The following RIT2 variants were observed in gnomAD, a reference collection of about 807,000 sequenced individuals.
The protein encoded by RIT2 is Ras like without CAAX 2, also known as GTP-binding protein Rit2.
Under a neutral mutation model 23.7 loss-of-function variants are expected in RIT2, and 24 were observed. The observed-to-expected ratio is 1.01, with a 90% CI of 0.73 to 1.43. The LOEUF is 1.43. Ranked by LOEUF, RIT2 falls within the 40% of genes most tolerant of loss-of-function variation. RIT2 has a pLI of 0.00. For synonymous variants in RIT2, 107 were observed against 91.1 expected, an observed-to-expected ratio of 1.17 and a Z score of -0.99; for missense variants, 236 against 266.9, an observed-to-expected ratio of 0.88 and a Z score of 0.81.
At chr18:42,996,329 A>G (rs1005360015) in intron 2 of RIT2, among the ~76,000 whole-genome samples, 1 of 151,828 alleles carries the variant, frequency 6.6e-6, no homozygotes, top group Non-Finnish European at 1.5e-5. Flanking sequence ...CCATCCCCCA[A>G]AATTTTCGCC....
chr18:42,854,189 A>C (rs1907124668), intron 4 of RIT2, among the ~76,000 whole-genome samples: 1 of 152,194 alleles, frequency 6.6e-6, no homozygotes, highest in Non-Finnish European at 1.5e-5. Context: ...AGATTAGTAC[A>C]AAGTGGTGTA....
chr18:43,077,211 G>T (rs1413479825), intron 1 of RIT2, among the ~76,000 whole-genome samples: 1 of 151,606 alleles, frequency 6.6e-6, no homozygotes, highest in Non-Finnish European at 1.5e-5. Context: ...TAGGTATATA[G>T]TGCCAGGAAA....
In RIT2 at chr18:43,045,380, A is replaced by C. The variant is rs1369750974; in HGVS notation, c.104-11513T>G. On this transcript the variant is annotated intron_variant, in intron 1 of 4. Coordinates refer to ENST00000326695, the MANE Select transcript of RIT2 (RefSeq NM_002930.4). ...AGAATTAACATTGTTATCATTTGCCACAATAAGAATTTACTCTGTCTTGAC... is the reference window on the plus strand; with the variant it reads ...AGAATTAACATTGTTATCATTTGCCCCAATAAGAATTTACTCTGTCTTGAC... Among the ~76,000 whole-genome samples the C allele has an allele frequency of 2.6e-5, 4 of 152,306 alleles. No individual in the cohort carries two copies. In the South Asian group the frequency reaches 8.3e-4, roughly 32 times the overall value.
chr18:42,800,248 A>G (rs1471751019), intron 4 of RIT2, among the ~76,000 whole-genome samples: 1 of 152,174 alleles, frequency 6.6e-6, no homozygotes, highest in Non-Finnish European at 1.5e-5. Flanking sequence ...GGTCCTATAC[A>G]TGTTTGAGGA....
At chr18:42,998,483 T>G (rs1186015210) in intron 2 of RIT2, among the ~76,000 whole-genome samples, 1 of 152,144 alleles carries the variant, frequency 6.6e-6, no homozygotes, top group Non-Finnish European at 1.5e-5. Flanking sequence ...TCAAATAGAT[T>G]GGACCAAGAC....
At chr18:42,781,332 C>A (rs1913806884) in intron 4 of RIT2, among the ~76,000 whole-genome samples, 1 of 152,098 alleles carries the variant, frequency 6.6e-6, no homozygotes, top group South Asian at 2.1e-4. Flanking sequence ...TTCTACATAC[C>A]TAAATCAGCA....
chr18:42,752,283 C>A (rs950177665), intron 4 of RIT2, among the ~76,000 whole-genome samples: 1 of 151,990 alleles, frequency 6.6e-6, no homozygotes, highest in African/African-American at 2.4e-5. Context: ...TTAACATATT[C>A]TTTTAGCATA....
chr18:43,009,326 G>A (rs1045714913), intron 2 of RIT2, among the ~76,000 whole-genome samples: 4 of 151,580 alleles, frequency 2.6e-5, no homozygotes, highest in African/African-American at 9.7e-5. Flanking sequence ...TTCAACAAGT[G>A]GAGCTCAGAA....
chr18:43,093,647 T>C (rs1020752775), intron 1 of RIT2, among the ~76,000 whole-genome samples: 8 of 152,060 alleles, frequency 5.3e-5, no homozygotes, highest in Middle Eastern at 3.4e-3. Flanking sequence ...TTCTTCTGAG[T>C]TGAAATTTCC....
intron 2 of RIT2, among the ~76,000 whole-genome samples, chr18:42,980,870 G>A (rs549928525): frequency 6.6e-6 from 1 of 152,208 alleles, no homozygotes; most frequent in East Asian, 1.9e-4. Context: ...TCTGATGAGG[G>A]GACATGTAGC....
intron 4 of RIT2, among the ~76,000 whole-genome samples, chr18:42,851,772 C>T (rs1044558528): frequency 6.6e-6 from 1 of 152,132 alleles, no homozygotes; most frequent in Non-Finnish European, 1.5e-5. Context: ...ATTGCTTGAA[C>T]CCAGGAGGCG....
At chr18:42,795,374 G>A (rs1023731058) in intron 4 of RIT2, among the ~76,000 whole-genome samples, 3 of 152,194 alleles carry the variant, frequency 2.0e-5, no homozygotes, top group African/African-American at 7.2e-5. Context: ...CTTAGCACCC[G>A]GGCCAGCGGC....
chr18:42,898,267 G>A (rs1041820837), intron 4 of RIT2, among the ~76,000 whole-genome samples: 1 of 152,058 alleles, frequency 6.6e-6, no homozygotes, highest in African/African-American at 2.4e-5. Flanking sequence ...GGTGGCGGGT[G>A]CCTGTAGTCC....
chr18:42,813,104 TG>T (rs1269810350), intron 4 of RIT2, among the ~76,000 whole-genome samples: 1 of 152,234 alleles, frequency 6.6e-6, no homozygotes, highest in Admixed American at 6.5e-5. Flanking sequence ...AATTAGTTTT[TG>T]TTTGGCATAT....
chr18:42,955,897 T>G (rs1466631408), intron 3 of RIT2, among the ~76,000 whole-genome samples: 7 of 152,194 alleles, frequency 4.6e-5, no homozygotes, highest in Non-Finnish European at 7.3e-5. Context: ...TCTGTATGAA[T>G]TTACCTATTC....
intron 1 of RIT2, among the ~76,000 whole-genome samples, chr18:43,110,181 ATC>A (rs1913920134): frequency 6.6e-6 from 1 of 152,100 alleles, no homozygotes; most frequent in Non-Finnish European, 1.5e-5. Flanking sequence ...AATTATTTAA[ATC>A]TTAAAACATT....
intron 4 of RIT2, among the ~76,000 whole-genome samples, chr18:42,806,405 G>A (rs1483099112): frequency 6.6e-6 from 1 of 151,954 alleles, no homozygotes; most frequent in Non-Finnish European, 1.5e-5. Context: ...GGAGGCAGAG[G>A]TTGCAGTGAG....
At chr18:42,919,126 C>A (rs79275780) in intron 4 of RIT2, among the ~76,000 whole-genome samples, 1 of 152,082 alleles carries the variant, frequency 6.6e-6, no homozygotes, top group Non-Finnish European at 1.5e-5. Flanking sequence ...AAAACCATCA[C>A]GACTCTCCAA....
chr18:43,081,267 G>C (rs1195310774), intron 1 of RIT2, among the ~76,000 whole-genome samples: 1 of 152,082 alleles, frequency 6.6e-6, no homozygotes, highest in African/African-American at 2.4e-5. Flanking sequence ...TGCTGCTTAT[G>C]TTACAACACT....
Sources: allele counts gnomAD v4.1 joint callset (sites outside exome capture counted in the v4.1 genomes callset), GRCh38; gene constraint gnomAD v4.1.1; transcripts MANE v1.5; gene names NCBI Gene and HGNC (gene_info 2026-07-23, HGNC 2026-07-21).